The following DDHD1 variants were observed in gnomAD, a reference collection of about 807,000 sequenced individuals.
DDHD1 encodes the protein DDHD domain containing 1.
DDHD1 carries 49 observed loss-of-function variants against 96.4 expected under a neutral mutation model. That is an observed-to-expected ratio of 0.51 (90% confidence interval 0.40 to 0.64). The LOEUF (loss-of-function observed/expected upper bound fraction) is 0.64. DDHD1 is among the 30% of genes least tolerant of loss of function. DDHD1 has a pLI of 0.00. For missense variants in DDHD1, 1,106 were observed against 1,161.2 expected, an observed-to-expected ratio of 0.95 and a Z score of 0.69; for synonymous variants, 442 against 446.5, an observed-to-expected ratio of 0.99 and a Z score of 0.13.
intron 12 of DDHD1, chr14:53,048,810 T>C (rs1882275026): frequency 6.6e-6 from 1 of 152,032 alleles, no homozygotes. Flanking sequence ...AAGACAAAAA[T>C]AGAACAAGAA....
At chr14:53,148,962 C>A (rs938193997) in intron 1 of DDHD1, among the ~76,000 whole-genome samples, 8 of 152,334 alleles carry the variant, frequency 5.3e-5, no homozygotes, top group Admixed American at 2.6e-4. Flanking sequence ...AAGAACACTG[C>A]AAACAAGAGA....
intron 9 of DDHD1, among the ~76,000 whole-genome samples, chr14:53,057,713 T>C (rs1371027737): frequency 1.3e-5 from 2 of 152,230 alleles, no homozygotes; most frequent in Admixed American, 1.3e-4. Context: ...TACACTCTTG[T>C]ATTACAGGTG....
intron 4 of DDHD1, among the ~76,000 whole-genome samples, chr14:53,080,237 T>C (rs1885343289): frequency 6.6e-6 from 1 of 152,168 alleles, no homozygotes; most frequent in Non-Finnish European, 1.5e-5. Context: ...GGTGTGCACC[T>C]GTAGTCCCAG....
chr14:53,128,687 A>C (rs1889640942), intron 1 of DDHD1, among the ~76,000 whole-genome samples: 1 of 152,218 alleles, frequency 6.6e-6, no homozygotes, highest in South Asian at 2.1e-4. Flanking sequence ...AAGGGCCAGA[A>C]GCCAACAGTT....
intron 4 of DDHD1, among the ~76,000 whole-genome samples, chr14:53,086,202 AC>A (rs1224629008): frequency 3.3e-5 from 5 of 152,222 alleles, no homozygotes; most frequent in African/African-American, 7.2e-5. Context: ...GACGGGGAGA[AC>A]TGGAACCAAG....
intron 4 of DDHD1, among the ~76,000 whole-genome samples, chr14:53,087,166 C>A (rs945553584): frequency 1.3e-5 from 2 of 151,900 alleles, no homozygotes; most frequent in Admixed American, 6.6e-5. Flanking sequence ...AAAGGAAGTC[C>A]TTAGAGACCC....
chr14:53,074,226 T>TA (rs1163069176), intron 4 of DDHD1, among the ~76,000 whole-genome samples: 1 of 151,900 alleles, frequency 6.6e-6, no homozygotes, highest in Non-Finnish European at 1.5e-5. Context: ...TTCCATAATA[T>TA]AAATTTTAAA....
rs756160854 is a variant in DDHD1, at chr14:53,072,683, G to A, written c.1417C>T (p.Pro473Ser). Residue 473 changes from proline (P) to serine (S), a missense_variant, in exon 6 of 13, where the codon CCT becomes TCT. Physicochemically the swap from Pro to Ser is moderately conservative, Grantham distance 74. Coordinates refer to ENST00000673822, the MANE Select transcript of DDHD1 (RefSeq NM_001160148.2). ...LDGDTVDSIT[P>S]DKVRGLRDML... Reference sequence around the variant, plus strand: ...TCCCTTAAACCTCGTACTTTGTCAGGAGTAATGGAATCAACAGTGTCTACA... The same window carrying A: ...TCCCTTAAACCTCGTACTTTGTCAGAAGTAATGGAATCAACAGTGTCTACA... 3.1e-6 allele frequency: 5 copies of A among 1,609,094 alleles called. No homozygotes were observed. Among genetic ancestry groups the A allele is most frequent in the Non-Finnish European group, 4.2e-6 (5 of 1,176,798 alleles).
rs1229627641 is a variant in DDHD1, at chr14:53,038,918, T to C, written c.*7850A>G. On this transcript the variant is annotated 3_prime_UTR_variant, in exon 13 of 13. Transcript: ENST00000673822. Reference sequence around the variant, plus strand: ...GCCAATAGATCTTCAGCAAAGCTGATACAAGCAAGCAATGGGGAAAGGAAC... The same window carrying C: ...GCCAATAGATCTTCAGCAAAGCTGACACAAGCAAGCAATGGGGAAAGGAAC... 1 of 152,160 alleles carries C rather than the reference T, an allele frequency of 6.6e-6. No homozygotes were observed. Among genetic ancestry groups the C allele is most frequent in the South Asian group, 2.1e-4 (1 of 4,824 alleles). 9.4% of individuals were successfully genotyped at this position (152,160 alleles called of 1,614,324 possible). A position where few individuals can be genotyped will look rare whatever the true frequency, so the allele number is the denominator to read the frequency against.
chr14:53,117,116 A>C (rs1328237482), intron 1 of DDHD1, among the ~76,000 whole-genome samples: 2 of 152,232 alleles, frequency 1.3e-5, no homozygotes, highest in African/African-American at 4.8e-5. Flanking sequence ...CTACCATCAG[A>C]TAATACCATA....
Position 53,125,991 on chromosome 14 carries a change from G to A in DDHD1, c.839-22135C>T, listed in dbSNP as rs149908716. Among the ~76,000 whole-genome samples the A allele has an allele frequency of 6.1e-4, 93 of 152,004 alleles. 5 individuals carry two copies. In the East Asian group the frequency reaches 0.016, roughly 27 times the overall value. ...GCTGGGATTACAGGCGTGAGCCACC[G>A]CGCCCAGCAAAGATGGATTTTTTAA... On this transcript the variant is annotated intron_variant, in intron 1 of 12. Transcript: ENST00000673822.
At chr14:53,129,560 G>A (rs980487621) in intron 1 of DDHD1, among the ~76,000 whole-genome samples, 4 of 152,088 alleles carry the variant, frequency 2.6e-5, no homozygotes, top group East Asian at 3.9e-4. Context: ...TCTGATCACC[G>A]TGGGGATGCC....
chr14:53,087,896 C>CA (rs1886115005), intron 4 of DDHD1, among the ~76,000 whole-genome samples: 1 of 151,930 alleles, frequency 6.6e-6, no homozygotes, highest in South Asian at 2.1e-4. Flanking sequence ...AAACAATCAA[C>CA]AAAATTGATA....
chr14:53,078,026 T>C (rs1263496521), intron 4 of DDHD1, among the ~76,000 whole-genome samples: 2 of 152,218 alleles, frequency 1.3e-5, no homozygotes, highest in Non-Finnish European at 2.9e-5. Flanking sequence ...TAGCCGCTCA[T>C]CAGTTGATGG....
chr14:53,130,166 T>C (rs145897728), intron 1 of DDHD1, among the ~76,000 whole-genome samples: 92 of 152,160 alleles, frequency 6.0e-4, no homozygotes, highest in African/African-American at 1.3e-3. Flanking sequence ...CCCTATAATC[T>C]TTCTATCACC....
chr14:53,103,135 T>C (rs567689756), intron 2 of DDHD1: 64 of 1,397,712 alleles, frequency 4.6e-5, no homozygotes, highest in Non-Finnish European at 5.8e-5. Context: ...ACAATGAAAA[T>C]GTGGCAATCT....
rs1881406385 is a variant in DDHD1, at chr14:53,038,334, A to G, written c.*8434T>C. ...CTTTAGTCAAGTTTCAGGATACAAA[A>G]TCAATGCACAAAAATTAGGAGCATT... On this transcript the variant is annotated 3_prime_UTR_variant, in exon 13 of 13. Coordinates refer to ENST00000673822, the MANE Select transcript of DDHD1 (RefSeq NM_001160148.2). 6.6e-6 allele frequency: 1 copy of G among 152,182 alleles called. No homozygotes were observed. The allele number at this position is 152,182 out of a possible 1,614,324, so 9.4% of individuals were successfully genotyped here.
intron 2 of DDHD1, among the ~76,000 whole-genome samples, chr14:53,102,503 ATT>A (rs1363783024): frequency 6.6e-6 from 1 of 152,070 alleles, no homozygotes; most frequent in Non-Finnish European, 1.5e-5. Flanking sequence ...TATTATATAA[ATT>A]TGTTAGCTTT....
At position 53,058,662 on chromosome 14, in the gene DDHD1, G is replaced by C. The variant is rs1269352329; in HGVS notation, c.1843-36C>G. ...AAAGTCATCTTAAAGTTTAAAAATG[G>C]TGAAGTGTTATCTTTCAACAAAATT... On this transcript the variant is annotated intron_variant, in intron 8 of 12. Transcript: ENST00000673822. 3.8e-6 allele frequency: 6 copies of C among 1,561,846 alleles called. No homozygotes were observed. The Admixed American group carries it at 1.2e-4, about 31-fold the overall frequency.
Sources: gnomAD v4.1 joint callset for allele counts (sites outside exome capture counted in the v4.1 genomes callset) on GRCh38, gnomAD v4.1.1 for gene constraint, MANE v1.5 for transcripts, NCBI Gene and HGNC (gene_info 2026-07-23, HGNC 2026-07-21) for gene names.